DDX46: variants seen among roughly 807,000 people sequenced by gnomAD.
The protein encoded by DDX46 is probable ATP-dependent RNA helicase DDX46.
In DDX46, 30 loss-of-function variants were observed where a neutral mutation model predicts 134.9. That is an observed-to-expected ratio of 0.22 (90% confidence interval 0.17 to 0.30). The LOEUF (loss-of-function observed/expected upper bound fraction) is 0.30. Ranked by LOEUF, DDX46 falls within the 10% of genes least tolerant of loss-of-function variation. DDX46 has a pLI of 1.00. For synonymous variants in DDX46, 415 were observed against 404.1 expected, an observed-to-expected ratio of 1.03 and a Z score of -0.32; for missense variants, 622 against 1,248.7, an observed-to-expected ratio of 0.50 and a Z score of 7.56.
At chr5:134,777,192 TG>T (rs1753969240) in intron 5 of DDX46, among the ~76,000 whole-genome samples, 14 of 152,204 alleles carry the variant, frequency 9.2e-5, no homozygotes, top group Admixed American at 9.2e-4. Context: ...TACTCCAGCC[TG>T]GGTGACAGAG....
At chr5:134,796,925 G>T (rs2150149208) in intron 15 of DDX46, among the ~76,000 whole-genome samples, 1 of 151,440 alleles carries the variant, frequency 6.6e-6, no homozygotes, top group African/African-American at 2.4e-5. Context: ...GCTGAGGCGG[G>T]CGGATCACCT....
intron 4 of DDX46, among the ~76,000 whole-genome samples, chr5:134,772,236 T>A (rs529172353): frequency 8.3e-4 from 121 of 145,386 alleles, no homozygotes; most frequent in African/African-American, 3.0e-3. Flanking sequence ...CTGTCTCAAA[T>A]GTGAAGGCCA....
intron 16 of DDX46, among the ~76,000 whole-genome samples, chr5:134,808,805 A>G (rs2150155336): frequency 6.6e-6 from 1 of 152,326 alleles, no homozygotes; most frequent in East Asian, 1.9e-4. Context: ...TGATTATGAT[A>G]TATTTAATTT....
chr5:134,760,692 A>G (rs1481096997), intron 1 of DDX46, among the ~76,000 whole-genome samples: 1 of 152,098 alleles, frequency 6.6e-6, no homozygotes, highest in Non-Finnish European at 1.5e-5. Context: ...TGTGAAGGGA[A>G]TTACAGAGGT....
At chr5:134,771,567 T>C (rs1482619000) in intron 4 of DDX46, among the ~76,000 whole-genome samples, 1 of 146,710 alleles carries the variant, frequency 6.8e-6, no homozygotes, top group East Asian at 2.0e-4. Flanking sequence ...CTAGGCGTGG[T>C]GGCAGGCGCC....
intron 3 of DDX46, among the ~76,000 whole-genome samples, chr5:134,768,267 G>A (rs1413260067): frequency 1.3e-5 from 2 of 151,658 alleles, no homozygotes; most frequent in Non-Finnish European, 2.9e-5. Context: ...GTGCCAACAT[G>A]CCCAGCTAAT....
chr5:134,770,171 A>ACAGG (rs1288244137), intron 3 of DDX46, among the ~76,000 whole-genome samples: 2 of 149,804 alleles, frequency 1.3e-5, no homozygotes, highest in East Asian at 3.9e-4. Flanking sequence ...TACTGAGCTT[A>ACAGG]CAGGCATGAG....
chr5:134,794,747 T>C, intron 13 of DDX46, 103 bp from the exon 14 acceptor site: 2 of 1,456,400 alleles, frequency 1.4e-6, no homozygotes, highest in Non-Finnish European at 1.9e-6. Flanking sequence ...GTGGCAAAAC[T>C]GAGACAGTTG....
intron 21 of DDX46, 74 bp from the exon 22 acceptor site, chr5:134,826,873 T>C (rs1755605358): frequency 6.8e-7 from 1 of 1,460,918 alleles, no homozygotes. Context: ...TGTTTCTTCC[T>C]GGACCTCCGT....
At chr5:134,826,353 G>A (rs1755591022) in intron 21 of DDX46, 2 of 152,126 alleles carry the variant, frequency 1.3e-5, no homozygotes, top group African/African-American at 4.8e-5. Context: ...GCTATCTTGC[G>A]GTGTTCTTTC....
chr5:134,802,858 C>G (rs1754873519), intron 15 of DDX46, among the ~76,000 whole-genome samples: 1 of 152,082 alleles, frequency 6.6e-6, no homozygotes, highest in African/African-American at 2.4e-5. Context: ...TCTAAATTCT[C>G]AATTCTCTGA....
chr5:134,795,316 A>C (rs375107823), intron 14 of DDX46, among the ~76,000 whole-genome samples: 1 of 146,826 alleles, frequency 6.8e-6, no homozygotes, highest in African/African-American at 2.6e-5. Flanking sequence ...ATCTTTGTCC[A>C]TGCTAAGTTC....
chr5:134,822,135 T>TC (rs1755473398), intron 21 of DDX46, among the ~76,000 whole-genome samples: 2 of 152,168 alleles, frequency 1.3e-5, no homozygotes, highest in African/African-American at 4.8e-5. Flanking sequence ...TACCTCAGCC[T>TC]CCCAAAGTGC....
intron 21 of DDX46, among the ~76,000 whole-genome samples, chr5:134,824,403 C>T (rs1002787002): frequency 2.6e-5 from 4 of 152,094 alleles, no homozygotes; most frequent in African/African-American, 7.2e-5. Flanking sequence ...CCAGCCTGGC[C>T]AACATAGTGA....
At chr5:134,779,445 T>A (rs1035455186) in intron 6 of DDX46, among the ~76,000 whole-genome samples, 1 of 152,200 alleles carries the variant, frequency 6.6e-6, no homozygotes, top group Non-Finnish European at 1.5e-5. Flanking sequence ...CTGTCTGCCT[T>A]GGCCTCCCAA....
In DDX46 at chr5:134,784,189, A is replaced by G. The variant is rs1229706414; in HGVS notation, c.1167-177A>G. Reference sequence around the variant, plus strand: ...TTTTTCACTTTACATAATGTTGTAAAGATTAGTCCATATTGTAGAATGTGT... The same window carrying G: ...TTTTTCACTTTACATAATGTTGTAAGGATTAGTCCATATTGTAGAATGTGT... On this transcript the variant is annotated intron_variant, in intron 9 of 22. Transcript: ENST00000452510. Among the ~76,000 whole-genome samples the G allele has an allele frequency of 3.3e-5, 5 of 152,328 alleles. No homozygotes were observed. In the East Asian group the frequency reaches 9.6e-4, roughly 29 times the overall value.
Position 134,830,998 on chromosome 5 carries a change from A to AT in DDX46, c.*2298dup, listed in dbSNP as rs1288867306. The AT allele has an allele frequency of 2.0e-5, 3 of 152,686 alleles. No homozygotes were observed. Among genetic ancestry groups the AT allele is most frequent in the African/African-American group, 7.2e-5 (3 of 41,534 alleles). The allele number at this position is 152,686 out of a possible 1,614,324, so 9.5% of individuals were successfully genotyped here. On this transcript the variant is annotated 3_prime_UTR_variant, in exon 23 of 23. Transcript: ENST00000452510. Reference sequence around the variant, plus strand: ...ATGAAACATATTACTTTGTTAGTACATTTTTTAGTGTCACACTGACTTTTA... The same window carrying AT: ...ATGAAACATATTACTTTGTTAGTACATTTTTTTAGTGTCACACTGACTTTTA...
intron 15 of DDX46, among the ~76,000 whole-genome samples, chr5:134,803,689 A>G (rs970524716): frequency 1.3e-5 from 2 of 152,084 alleles, no homozygotes; most frequent in African/African-American, 4.8e-5. Context: ...GTCTTTACGT[A>G]GTTGCTCTTT....
Position 134,782,796 on chromosome 5 carries a change from C to G in DDX46, c.1046-149C>G, listed in dbSNP as rs1754195751. On this transcript the variant is annotated intron_variant, in intron 8 of 22. Coordinates refer to ENST00000452510, the MANE Select transcript of DDX46 (RefSeq NM_001300860.2). ...GTTCAAGTGATCTGCCTGCGTCTGT[C>G]TCCCAAAGTGCTAGTTGCTAGGATT... The G allele has an allele frequency of 3.0e-5, 28 of 929,852 alleles. 1 individual carries two copies. In the South Asian group the frequency reaches 5.7e-4, roughly 19 times the overall value. The allele number at this position is 929,852 out of a possible 1,614,324, so 57.6% of individuals were successfully genotyped here. A position where few individuals can be genotyped will look rare whatever the true frequency, so the allele number is the denominator to read the frequency against.
Sources: allele counts gnomAD v4.1 joint callset (sites outside exome capture counted in the v4.1 genomes callset), GRCh38; gene constraint gnomAD v4.1.1; transcripts MANE v1.5; gene names NCBI Gene and HGNC (gene_info 2026-07-23, HGNC 2026-07-21).